PLCD1: variants seen among roughly 807,000 people sequenced by gnomAD.
The protein encoded by PLCD1 is phospholipase C delta 1.
Under a neutral mutation model 87.4 loss-of-function variants are expected in PLCD1, and 71 were observed. The ratio of observed to expected loss-of-function variants is 0.81; its 90% CI spans 0.67 to 0.99. The LOEUF (loss-of-function observed/expected upper bound fraction) is 0.99, where lower values mean the gene tolerates loss of function less well. Among genes scored for constraint, PLCD1 ranks in the 50% least tolerant of loss-of-function variants. The pLI is 0.00. For synonymous variants in PLCD1, 348 were observed against 399.2 expected, an observed-to-expected ratio of 0.87 and a Z score of 1.53; for missense variants, 867 against 1,001.5, an observed-to-expected ratio of 0.87 and a Z score of 1.81.
chr3:38,010,400 T>G lies in PLCD1; in HGVS notation c.953A>C (p.Asp318Ala), dbSNP rs1700052867. 1.9e-6 allele frequency: 3 copies of G among 1,614,060 alleles called. No homozygotes were observed. The highest frequency in any genetic ancestry group is 2.5e-6 in the Non-Finnish European group (3 of 1,180,028). ...AGTGCTGCTGGGCCCGGCTAGCTGG[T>G]CCTCCAGCAGGTAGGTGTTGTGTGA... ...SSSHNTYLLE[D>A]QLAGPSSTEA... Residue 318 changes from aspartate (D) to alanine (A), a missense_variant, in exon 6 of 15, where the codon GAC (aspartate) becomes GCC (alanine). Transcript: ENST00000334661.
At chr3:38,020,713 A>G (rs1465567152) in intron 1 of PLCD1, among the ~76,000 whole-genome samples, 1 of 152,186 alleles carries the variant, frequency 6.6e-6, no homozygotes, top group Non-Finnish European at 1.5e-5. Context: ...GTTCTGAAAG[A>G]TGGTTTTGAA....
At chr3:38,028,227 C>G (rs965591011) in intron 1 of PLCD1, among the ~76,000 whole-genome samples, 1 of 152,182 alleles carries the variant, frequency 6.6e-6, no homozygotes, top group Non-Finnish European at 1.5e-5. Context: ...GGCAGGCGCA[C>G]GAAAGACACC....
In PLCD1 at chr3:38,008,680, G is replaced by C. The variant is rs765992107; in HGVS notation, c.1724-44C>G. ...AGTCACAGGCTGTGGGCTGGCCCTG[G>C]GGCCCTAGAGCACAGCCTGCTCAGG... On this transcript the variant is annotated intron_variant, in intron 11 of 14. Transcript: ENST00000334661. The C allele has an allele frequency of 1.8e-5, 28 of 1,573,560 alleles. No homozygotes were observed. The Admixed American group carries it at 4.5e-4, about 25-fold the overall frequency.
At chr3:38,009,516 G>T in intron 9 of PLCD1, 85 bp from the exon 10 acceptor site, 2 of 1,559,006 alleles carry the variant, frequency 1.3e-6, no homozygotes, top group South Asian at 1.1e-5. Flanking sequence ...GGCGCAGAGA[G>T]ACAGAGGGAG....
Position 38,011,317 on chromosome 3 carries a change from CGACA to C in PLCD1, c.683_686del (p.Leu228ArgfsTer5). On this transcript the variant is annotated frameshift_variant, in exon 5 of 15. Coordinates refer to ENST00000334661, the MANE Select transcript of PLCD1 (RefSeq NM_006225.4). LOFTEE classifies it high-confidence loss of function. Reference sequence around the variant, plus strand: ...GCAGGAACGTCACTAACTGATCCACCGACAGAGTCTCCCCTGAGCCCGCGGCCTC... The same window carrying C: ...GCAGGAACGTCACTAACTGATCCACCGAGTCTCCCCTGAGCCCGCGGCCTC... The C allele has an allele frequency of 6.2e-7, 1 of 1,612,238 alleles. No homozygotes were observed. The highest frequency in any genetic ancestry group is 1.3e-5 in the African/African-American group (1 of 75,012).
intron 1 of PLCD1, among the ~76,000 whole-genome samples, chr3:38,021,608 T>C: frequency 6.6e-6 from 1 of 152,202 alleles, no homozygotes; most frequent in Non-Finnish European, 1.5e-5. Context: ...TAAGGGCGTA[T>C]GTGTGCGTGT....
Position 38,009,446 on chromosome 3 carries a change from G to T in PLCD1, c.1447-15C>A. ...AGCTTGTCCTCCTGGGGAACACGGG[G>T]AGGCCCGGGTTAGATTCAGTGGTTG... On this transcript the variant is annotated splice_polypyrimidine_tract_variant and intron_variant, in intron 9 of 14. Transcript: ENST00000334661. 6.2e-7 allele frequency: 1 copy of T among 1,614,030 alleles called. No individual in the cohort carries two copies. Among genetic ancestry groups the T allele is most frequent in the Non-Finnish European group, 8.5e-7 (1 of 1,179,922 alleles).
rs568273077 is a variant in PLCD1 at position 38,017,334 on chromosome 3, A to G, written c.200-615T>C. 2.1e-4 allele frequency among the ~76,000 whole-genome samples: 32 copies of G among 152,200 alleles called. No individual in the cohort carries two copies. In the South Asian group the frequency reaches 4.8e-3, roughly 23 times the overall value. On this transcript the variant is annotated intron_variant, in intron 2 of 14. Transcript: ENST00000334661. The surrounding 1 kb of genome is among the most constrained non-coding windows in gnomAD (Gnocchi z 4.7). ...CAGAGGGAGAAGCCCTGCATGGGAG[A>G]GGAGACAGGGTCGTGCCCTGTGTGC...
intron 2 of PLCD1, among the ~76,000 whole-genome samples, chr3:38,019,469 C>T (rs1376297902): frequency 2.0e-5 from 3 of 152,138 alleles, no homozygotes; most frequent in Non-Finnish European, 2.9e-5. Context: ...TCTAAAATTT[C>T]CCCACCAAGT....
intron 3 of PLCD1, among the ~76,000 whole-genome samples, chr3:38,016,055 C>T (rs996365894): frequency 6.6e-6 from 1 of 152,146 alleles, no homozygotes; most frequent in African/African-American, 2.4e-5. Context: ...TACCCCACCC[C>T]CCAACTCACC....
intron 5 of PLCD1, 96 bp downstream of exon 5, chr3:38,011,118 T>A: frequency 9.4e-6 from 9 of 962,472 alleles, no homozygotes; most frequent in Admixed American, 4.7e-5. Flanking sequence ...GCCCCTTCCC[T>A]CCGGTTCCCT....
Position 38,011,361 on chromosome 3 carries a change from C to G in PLCD1, c.643G>C (p.Asp215His). The change falls in exon 5 of 15, where the codon GAC becomes CAC. Residue 215 changes from aspartate to histidine, a missense_variant. Physicochemically the swap from Asp to His is moderately conservative, Grantham distance 81. Coordinates refer to ENST00000334661, the MANE Select transcript of PLCD1 (RefSeq NM_006225.4). The stretch of plus-strand genomic sequence containing the variant: ...CCCGCGGCCTCGGCGAAGGTGCGGT[C>G]GATCTCCACCCGCTGGGTCAGCATC... ...YKMLTQRVEI[D>H]RTFAEAAGSG... is the part of the protein sequence containing the mutation. 1 of 1,612,968 alleles carries G rather than the reference C, an allele frequency of 6.2e-7. No homozygotes were observed. The highest frequency in any genetic ancestry group is 8.5e-7 in the Non-Finnish European group (1 of 1,180,022).
intron 3 of PLCD1, among the ~76,000 whole-genome samples, chr3:38,014,234 T>C (rs1432123514): frequency 6.6e-6 from 1 of 151,726 alleles, no homozygotes; most frequent in Non-Finnish European, 1.5e-5. Context: ...AAAATTCGTA[T>C]AGAAATTCAA....
At position 38,009,647 on chromosome 3, in the gene PLCD1, T is replaced by G; in HGVS notation, c.1446+6A>C. On this transcript the variant is annotated splice_donor_region_variant and intron_variant, in intron 9 of 14. Coordinates refer to ENST00000334661, the MANE Select transcript of PLCD1 (RefSeq NM_006225.4). Reference sequence around the variant, plus strand: ...GGCTGCCCCACCCCACAGCTCCCCCTCAAACCTTGGGCTTGTGCTGCACAC... The same window carrying G: ...GGCTGCCCCACCCCACAGCTCCCCCGCAAACCTTGGGCTTGTGCTGCACAC... 1 of 1,613,766 alleles carries G rather than the reference T, an allele frequency of 6.2e-7. No homozygotes were observed. The highest frequency in any genetic ancestry group is 1.1e-5 in the South Asian group (1 of 91,080).
intron 3 of PLCD1, among the ~76,000 whole-genome samples, chr3:38,016,168 C>T (rs538764904): frequency 2.8e-4 from 43 of 152,192 alleles, no homozygotes; most frequent in Non-Finnish European, 5.6e-4. Flanking sequence ...GTGGGGCACC[C>T]GCGCTGGGAT....
At chr3:38,013,914 C>CT (rs1258382515) in intron 3 of PLCD1, among the ~76,000 whole-genome samples, 12 of 152,284 alleles carry the variant, frequency 7.9e-5, no homozygotes, top group African/African-American at 2.6e-4. Context: ...AATGTGTCCC[C>CT]TAAGGAGTGG....
intron 11 of PLCD1, 99 bp from the exon 12 acceptor site, chr3:38,008,735 G>A: frequency 1.8e-6 from 2 of 1,088,588 alleles, no homozygotes; most frequent in East Asian, 2.5e-5. Flanking sequence ...CACATGGTGA[G>A]TTAGCAGGGC....
rs1016556802 is a variant in PLCD1 at position 38,009,598 on chromosome 3, G to A, written c.1446+55C>T. 1.2e-5 allele frequency: 19 copies of A among 1,604,098 alleles called. No homozygotes were observed. The East Asian group carries it at 1.3e-4, about 11-fold the overall frequency. On this transcript the variant is annotated intron_variant, in intron 9 of 14. Coordinates refer to ENST00000334661, the MANE Select transcript of PLCD1 (RefSeq NM_006225.4). ...AACTGAGACAAGGCAGACCTCCCAC[G>A]GGTGAGGGGATGGGGAAGGCCCGGG...
In PLCD1 at chr3:38,008,640, C is replaced by T. The variant is rs377552608; in HGVS notation, c.1724-4G>A. 5.6e-6 allele frequency: 9 copies of T among 1,613,676 alleles called. No individual in the cohort carries two copies. Among genetic ancestry groups the T allele is most frequent in the African/African-American group, 5.3e-5 (4 of 74,938 alleles). On this transcript the variant is annotated splice_polypyrimidine_tract_variant and splice_region_variant and intron_variant, in intron 11 of 14. Transcript: ENST00000334661. Reference sequence around the variant, plus strand: ...GGTGTCTGGAAATTCAGGGCCACTACAGGCAGGACAGAGCAGTCACAGGCT... The same window carrying T: ...GGTGTCTGGAAATTCAGGGCCACTATAGGCAGGACAGAGCAGTCACAGGCT...
Sources: allele counts gnomAD v4.1 joint callset (sites outside exome capture counted in the v4.1 genomes callset), GRCh38; gene constraint gnomAD v4.1.1; non-coding constraint Gnocchi (gnomAD v3.1); transcripts MANE v1.5; gene names NCBI Gene and HGNC (gene_info 2026-07-23, HGNC 2026-07-21).